Variants in DNAL4 observed in about 807,000 individuals in gnomAD.
DNAL4 encodes the protein dynein axonemal light chain 4, also known as dynein light chain, outer arm 4.
DNAL4 carries 10 observed loss-of-function variants against 12.6 expected under a neutral mutation model. The observed-to-expected ratio is 0.79, with a 90% CI of 0.49 to 1.34. DNAL4 has a LOEUF of 1.34. DNAL4 is among the 40% of genes most tolerant of loss of function. The pLI, the probability that DNAL4 is intolerant of heterozygous loss-of-function variation, is 0.00. For synonymous variants in DNAL4, 46 were observed against 53.1 expected (o/e 0.87, Z 0.58); for missense variants, 128 against 138.1 (o/e 0.93, Z 0.37).
At chr22:38,789,921 G>A (rs922412674) in intron 1 of DNAL4, among the ~76,000 whole-genome samples, 2 of 152,244 alleles carry the variant, frequency 1.3e-5, no homozygotes, top group African/African-American at 2.4e-5. Flanking sequence ...CTAACAGTCC[G>A]ATTTGGCTAG....
intron 2 of DNAL4, among the ~76,000 whole-genome samples, chr22:38,781,267 T>C (rs1345925915): frequency 6.6e-6 from 1 of 152,150 alleles, no homozygotes; most frequent in Non-Finnish European, 1.5e-5. Context: ...CCAACAGACA[T>C]GGGAAGAAAG....
At chr22:38,784,474 A>G (rs950327548) in intron 1 of DNAL4, among the ~76,000 whole-genome samples, 13 of 151,392 alleles carry the variant, frequency 8.6e-5, no homozygotes, top group African/African-American at 3.2e-4. Flanking sequence ...GACGAATCAA[A>G]TATTTGCTCT....
chr22:38,779,351 A>G lies in DNAL4; in HGVS notation c.*98T>C. Reference sequence around the variant, plus strand: ...ACAAAGACAAAAAGAAAAGACCCCAACTCTCCTTGGAAAAACCAGGACCTG... The same window carrying G: ...ACAAAGACAAAAAGAAAAGACCCCAGCTCTCCTTGGAAAAACCAGGACCTG... On this transcript the variant is annotated 3_prime_UTR_variant, in exon 4 of 4. Transcript: ENST00000216068. This position sits in a 1 kb window ranked among gnomAD's most constrained non-coding sequence, Gnocchi z 4.3. The G allele has an allele frequency of 7.1e-7, 1 of 1,418,334 alleles. No homozygotes were observed. 87.9% of individuals were successfully genotyped at this position (1,418,334 alleles called of 1,614,324 possible).
At chr22:38,780,118 C>T (rs773146919) in intron 3 of DNAL4, among the ~76,000 whole-genome samples, 9 of 152,162 alleles carry the variant, frequency 5.9e-5, no homozygotes, top group Admixed American at 5.2e-4. Flanking sequence ...TCTTTCAAGA[C>T]GTGCCCCCTG....
chr22:38,790,415 T>C (rs2093048830), intron 1 of DNAL4, among the ~76,000 whole-genome samples: 1 of 152,050 alleles, frequency 6.6e-6, no homozygotes. Context: ...GGAATGAGCA[T>C]GGTGGAGTGA....
chr22:38,781,502 G>A (rs1036079885), intron 2 of DNAL4, among the ~76,000 whole-genome samples: 3 of 151,948 alleles, frequency 2.0e-5, no homozygotes, highest in African/African-American at 7.3e-5. Context: ...TCCATCTCTG[G>A]GGTCTTGTGT....
intron 1 of DNAL4, among the ~76,000 whole-genome samples, chr22:38,788,313 A>G (rs1471287177): frequency 1.3e-5 from 2 of 152,222 alleles, no homozygotes; most frequent in South Asian, 2.1e-4. Flanking sequence ...GCCTTAGAAG[A>G]TACATCATCT....
In DNAL4 at chr22:38,782,220, T is replaced by C. The variant is rs2048098654; in HGVS notation, c.69+443A>G. Among the ~76,000 whole-genome samples, 1 of 152,168 alleles carries C rather than the reference T, an allele frequency of 6.6e-6. No homozygotes were observed. Among genetic ancestry groups the C allele is most frequent in the African/African-American group, 2.4e-5 (1 of 41,430 alleles). ...CATCCCAGGCTTCCCGTGCCTCTGT[T>C]TCCCCGGCTTGGCATGTTCTTCCCC... On this transcript the variant is annotated intron_variant, in intron 2 of 3. Coordinates refer to ENST00000216068, the MANE Select transcript of DNAL4 (RefSeq NM_005740.3). This position sits in a 1 kb window ranked among gnomAD's most constrained non-coding sequence, Gnocchi z 5.1.
chr22:38,788,815 A>G (rs949456088), intron 1 of DNAL4, among the ~76,000 whole-genome samples: 6 of 152,186 alleles, frequency 3.9e-5, no homozygotes, highest in African/African-American at 1.2e-4. Context: ...GCATGGATTT[A>G]TTTTTTAGAA....
At chr22:38,783,588 C>T (rs1227538177) in intron 1 of DNAL4, among the ~76,000 whole-genome samples, 1 of 152,254 alleles carries the variant, frequency 6.6e-6, no homozygotes, top group Non-Finnish European at 1.5e-5. Context: ...CCCTGGCACA[C>T]CAGGCTCCCT....
chr22:38,783,759 T>G (rs1309641106), intron 1 of DNAL4, among the ~76,000 whole-genome samples: 1 of 152,108 alleles, frequency 6.6e-6, no homozygotes, highest in African/African-American at 2.4e-5. Context: ...ATCCATCTCA[T>G]GCGGCCGTTA....
At chr22:38,785,130 C>T (rs2093040372) in intron 1 of DNAL4, among the ~76,000 whole-genome samples, 1 of 152,168 alleles carries the variant, frequency 6.6e-6, no homozygotes, top group Non-Finnish European at 1.5e-5. Flanking sequence ...AGCACAATTT[C>T]ATTGTACTTT....
At chr22:38,784,975 A>ACCC (rs34429714) in intron 1 of DNAL4, among the ~76,000 whole-genome samples, 8 of 112,374 alleles carry the variant, frequency 7.1e-5, no homozygotes, top group South Asian at 3.4e-4. Context: ...CCTGGCACAG[A>ACCC]CCCCCCCCCC....
In DNAL4 at chr22:38,780,939, G is replaced by T; in HGVS notation, c.140C>A (p.Ser47Tyr). The change falls in exon 3 of 4, where the codon TCC becomes TAC. Residue 47 changes from serine (S) to tyrosine (Y), a missense_variant. Coordinates refer to ENST00000216068, the MANE Select transcript of DNAL4 (RefSeq NM_005740.3). ...ELCVTACEKF[S>Y]NNNESAAKMI... The stretch of plus-strand genomic sequence containing the variant: ...TGCTGGCAATACCTCGTTGTTGTTG[G>T]AGAATTTCTCACAGGCTGTGACACA... 6.2e-7 allele frequency: 1 copy of T among 1,614,224 alleles called. No individual in the cohort carries two copies. The highest frequency in any genetic ancestry group is 8.5e-7 in the Non-Finnish European group (1 of 1,180,020).
intron 1 of DNAL4, among the ~76,000 whole-genome samples, chr22:38,788,731 C>A (rs2093046166): frequency 6.6e-6 from 1 of 152,226 alleles, no homozygotes. Context: ...CCGCCCCGCT[C>A]TCTCCCACTC....
In DNAL4 at chr22:38,783,282, A is replaced by ACACCCGGGCC. The variant is rs2093037147; in HGVS notation, c.-139-413_-139-412insGGCCCGGGTG. Among the ~76,000 whole-genome samples the ACACCCGGGCC allele has an allele frequency of 1.5e-5, 2 of 136,878 alleles. 1 individual carries two copies. 89.8% of individuals were successfully genotyped at this position (136,878 alleles called of 152,430 possible). A position where few individuals can be genotyped will look rare whatever the true frequency, so the allele number is the denominator to read the frequency against. Reference sequence around the variant, plus strand: ...ACACACGGGCCTTCCCTCCCACTACATACACGGGCCTTCCCTCCCACTACA... The same window carrying ACACCCGGGCC: ...ACACACGGGCCTTCCCTCCCACTACACACCCGGGCCTACACGGGCCTTCCCTCCCACTACA... On this transcript the variant is annotated intron_variant, in intron 1 of 3. Transcript: ENST00000216068.
chr22:38,784,622 C>A (rs1250564355), intron 1 of DNAL4, among the ~76,000 whole-genome samples: 3 of 151,928 alleles, frequency 2.0e-5, no homozygotes, highest in Non-Finnish European at 4.4e-5. Flanking sequence ...GCCATTCTCC[C>A]GCCTCAGCCT....
Position 38,782,842 on chromosome 22 carries a change from G to A in DNAL4, c.-111C>T, listed in dbSNP as rs1246860071. 44 of 1,031,322 alleles carry A rather than the reference G, an allele frequency of 4.3e-5. No individual in the cohort carries two copies. Among genetic ancestry groups the A allele is most frequent in the Non-Finnish European group, 5.3e-5 (38 of 719,602 alleles). The allele number at this position is 1,031,322 out of a possible 1,614,324, so 63.9% of individuals were successfully genotyped here. A position where few individuals can be genotyped will look rare whatever the true frequency, so the allele number is the denominator to read the frequency against. ...GAAGCAGGCCCTGCCAACTCGGTGGGAGCAGAAAATGTCTTTCCCCGGGGG... is the reference window on the plus strand; with the variant it reads ...GAAGCAGGCCCTGCCAACTCGGTGGAAGCAGAAAATGTCTTTCCCCGGGGG... On this transcript the variant is annotated 5_prime_UTR_variant, in exon 2 of 4. Transcript: ENST00000216068. This position sits in a 1 kb window ranked among gnomAD's most constrained non-coding sequence, Gnocchi z 5.1.
chr22:38,791,038 G>A (rs912271634), intron 1 of DNAL4, among the ~76,000 whole-genome samples: 4 of 151,926 alleles, frequency 2.6e-5, no homozygotes, highest in African/African-American at 7.2e-5. Flanking sequence ...GTTGTGGCGC[G>A]CGCCTGTAAT....
Sources: allele counts gnomAD v4.1 joint callset (sites outside exome capture counted in the v4.1 genomes callset), GRCh38; gene constraint gnomAD v4.1.1; non-coding constraint Gnocchi (gnomAD v3.1); transcripts MANE v1.5; gene names NCBI Gene and HGNC (gene_info 2026-07-23, HGNC 2026-07-21).